Variants in BCKDHA observed in about 807,000 individuals in gnomAD.
BCKDHA encodes branched chain keto acid dehydrogenase E1 subunit alpha, also known as 2-oxoisovalerate dehydrogenase subunit alpha, mitochondrial.
BCKDHA carries 43 observed loss-of-function variants against 52.2 expected under a neutral mutation model. The observed-to-expected ratio is 0.82, with a 90% CI of 0.64 to 1.06. The LOEUF (loss-of-function observed/expected upper bound fraction) is 1.06. BCKDHA is among the 50% of genes least tolerant of loss of function. The pLI is 0.00. For synonymous variants in BCKDHA, 234 were observed against 247.9 expected (o/e 0.94, Z 0.53); for missense variants, 527 against 621.3 (o/e 0.85, Z 1.61).
chr19:41,405,102 A>C (rs2039178765), intron 1 of BCKDHA, among the ~76,000 whole-genome samples: 1 of 152,146 alleles, frequency 6.6e-6, no homozygotes, highest in Admixed American at 6.6e-5. Context: ...TATCTGTTTA[A>C]CAAGAACAAT....
chr19:41,424,420 T>C lies in BCKDHA; in HGVS notation c.1168-18T>C. The C allele has an allele frequency of 1.9e-6, 3 of 1,613,670 alleles. No individual in the cohort carries two copies. The highest frequency in any genetic ancestry group is 4.5e-5 in the East Asian group (2 of 44,884). The stretch of plus-strand genomic sequence containing the variant: ...ATGGGAGGCCGGCTAGCCTGCCCAC[T>C]GCCCCATGTCCCCACAGGTGATGGA... On this transcript the variant is annotated intron_variant, in intron 8 of 8. Transcript: ENST00000269980.
intron 3 of BCKDHA, among the ~76,000 whole-genome samples, chr19:41,411,584 C>T (rs1171395340): frequency 6.6e-6 from 1 of 152,196 alleles, no homozygotes; most frequent in Non-Finnish European, 1.5e-5. Context: ...CACACCCCCA[C>T]CTTTATAGAG....
intron 1 of BCKDHA, among the ~76,000 whole-genome samples, chr19:41,407,768 A>G (rs936125386): frequency 3.1e-4 from 47 of 152,222 alleles, no homozygotes; most frequent in Admixed American, 1.2e-3. Flanking sequence ...CTTGTGGCAA[A>G]CCCTGCCATT....
intron 8 of BCKDHA, 118 bp from the exon 9 acceptor site, chr19:41,424,320 T>C (rs1415319323): frequency 4.5e-6 from 5 of 1,111,920 alleles, no homozygotes; most frequent in Non-Finnish European, 6.7e-6. Flanking sequence ...TCATTTCCAT[T>C]GTCGAGGTGG....
At position 41,397,929 on chromosome 19, in the gene BCKDHA, T is replaced by C; in HGVS notation, c.102T>C (p.Ala34=). ...LLRQPGARGL[A]RSHPPRQQQQ... ...GGCAGCCTGGGGCTCGGGGACTGGCTAGATCTGTGAGTACCTGGGCCCCAG... is the reference window on the plus strand; with the variant it reads ...GGCAGCCTGGGGCTCGGGGACTGGCCAGATCTGTGAGTACCTGGGCCCCAG... The change falls in exon 1 of 9, where the codon GCT becomes GCC. Residue 34 remains alanine (A), a synonymous_variant. Coordinates refer to ENST00000269980, the MANE Select transcript of BCKDHA (RefSeq NM_000709.4). 1 of 1,613,818 alleles carries C rather than the reference T, an allele frequency of 6.2e-7. No individual in the cohort carries two copies. The highest frequency in any genetic ancestry group is 2.2e-5 in the East Asian group (1 of 44,874).
intron 1 of BCKDHA, among the ~76,000 whole-genome samples, chr19:41,400,158 C>T (rs140142908): frequency 3.5e-4 from 54 of 152,152 alleles, no homozygotes; most frequent in Admixed American, 1.2e-3. Context: ...CCTCAACCTC[C>T]TGGGCTCAAG....
chr19:41,420,590 CAA>C (rs11300069), intron 5 of BCKDHA, among the ~76,000 whole-genome samples: 168 of 141,904 alleles, frequency 1.2e-3, no homozygotes, highest in Non-Finnish European at 1.3e-3. Flanking sequence ...GATCCTGTCT[CAA>C]AAAAAAAAAA....
At chr19:41,403,946 AT>A (rs2039165022) in intron 1 of BCKDHA, among the ~76,000 whole-genome samples, 1 of 152,176 alleles carries the variant, frequency 6.6e-6, no homozygotes, top group Non-Finnish European at 1.5e-5. Flanking sequence ...TTATTTTAAA[AT>A]TTTATGTGAG....
At chr19:41,400,104 C>G (rs2039121616) in intron 1 of BCKDHA, among the ~76,000 whole-genome samples, 1 of 151,988 alleles carries the variant, frequency 6.6e-6, no homozygotes, top group African/African-American at 2.4e-5. Flanking sequence ...ACTCTGTCAC[C>G]CAGGCTGGAG....
At chr19:41,418,224 TA>T (rs1456797299) in intron 4 of BCKDHA, among the ~76,000 whole-genome samples, 2 of 151,978 alleles carry the variant, frequency 1.3e-5, no homozygotes, top group Non-Finnish European at 2.9e-5. Flanking sequence ...TCCCTCTGAA[TA>T]ATGTTCCCGG....
At position 41,424,657 on chromosome 19, in the gene BCKDHA, C is replaced by T. The variant is rs1357473916; in HGVS notation, c.*49C>T. 4 of 1,542,920 alleles carry T rather than the reference C, an allele frequency of 2.6e-6. No homozygotes were observed. The highest frequency in any genetic ancestry group is 2.6e-6 in the Non-Finnish European group (3 of 1,137,924). On this transcript the variant is annotated 3_prime_UTR_variant, in exon 9 of 9. Transcript: ENST00000269980. ...CATCCTCAGCTACCCCGAGAGGTAG[C>T]CCCACTCTAAGGGGAGCAGGGGGAC...
At chr19:41,422,856 A>T in intron 7 of BCKDHA, 86 bp downstream of exon 7, 1 of 1,602,702 alleles carries the variant, frequency 6.2e-7, no homozygotes. Context: ...TCTCCAAAAC[A>T]TGGCCTTATC....
intron 1 of BCKDHA, among the ~76,000 whole-genome samples, chr19:41,403,068 G>C (rs1220158454): frequency 1.3e-5 from 2 of 152,182 alleles, no homozygotes; most frequent in African/African-American, 4.8e-5. Context: ...GATGATGGCT[G>C]ACATGACACT....
chr19:41,422,547 C>A, intron 6 of BCKDHA, 82 bp from the exon 7 acceptor site: 1 of 1,602,086 alleles, frequency 6.2e-7, no homozygotes, highest in Non-Finnish European at 8.5e-7. Context: ...TGCTCTCTGT[C>A]CTCTCCCTGC....
At chr19:41,421,299 G>A (rs2039361656) in intron 5 of BCKDHA, among the ~76,000 whole-genome samples, 1 of 152,188 alleles carries the variant, frequency 6.6e-6, no homozygotes, top group Non-Finnish European at 1.5e-5. Context: ...CCATTGTGGT[G>A]GGGGAGACGG....
At chr19:41,403,537 C>T (rs1449817635) in intron 1 of BCKDHA, among the ~76,000 whole-genome samples, 2 of 152,184 alleles carry the variant, frequency 1.3e-5, no homozygotes, top group Non-Finnish European at 2.9e-5. Context: ...GGTCCCAGGG[C>T]GCCAGGCTTT....
chr19:41,402,542 A>G (rs971135765), intron 1 of BCKDHA, among the ~76,000 whole-genome samples: 1 of 152,154 alleles, frequency 6.6e-6, no homozygotes, highest in Non-Finnish European at 1.5e-5. Flanking sequence ...CTGGACTCCA[A>G]AACCCAGTTT....
Position 41,404,552 on chromosome 19 carries a change from G to A in BCKDHA, c.109-6085G>A, listed in dbSNP as rs1410295976. ...GATCCGCCCGCCTCGGTCTCCCAAAGTGCTGGGATTACAGGCGTGAGCCAC... is the reference window on the plus strand; with the variant it reads ...GATCCGCCCGCCTCGGTCTCCCAAAATGCTGGGATTACAGGCGTGAGCCAC... On this transcript the variant is annotated intron_variant, in intron 1 of 8. Transcript: ENST00000269980. Among the ~76,000 whole-genome samples, 4 of 151,560 alleles carry A rather than the reference G, an allele frequency of 2.6e-5. No homozygotes were observed. The East Asian group carries it at 5.8e-4, about 22-fold the overall frequency.
At chr19:41,405,417 T>C (rs1040453879) in intron 1 of BCKDHA, among the ~76,000 whole-genome samples, 1 of 151,740 alleles carries the variant, frequency 6.6e-6, no homozygotes, top group Non-Finnish European at 1.5e-5. Flanking sequence ...CCTCAAGTAG[T>C]TGGGGAGTAC....
Sources: allele counts gnomAD v4.1 joint callset (sites outside exome capture counted in the v4.1 genomes callset), GRCh38; gene constraint gnomAD v4.1.1; transcripts MANE v1.5; gene names NCBI Gene and HGNC (gene_info 2026-07-23, HGNC 2026-07-21).